Variants in PFN1 observed in about 807,000 individuals in gnomAD.
The protein encoded by PFN1 is profilin-1.
In PFN1, 2 loss-of-function variants were observed where a neutral mutation model predicts 11.7. That is an observed-to-expected ratio of 0.17 (90% CI 0.07 to 0.54). The LOEUF is 0.54. PFN1 is among the 20% of genes least tolerant of loss of function. PFN1 has a pLI of 0.94. For synonymous variants in PFN1, 78 were observed against 76.2 expected (o/e 1.02, Z -0.12); for missense variants, 97 against 188.4 (o/e 0.51, Z 2.84).
Position 4,946,820 on chromosome 17 carries a change from G to A in PFN1, c.133C>T (p.Pro45Ser), listed in dbSNP as rs1458389557. 6.2e-7 allele frequency: 1 copy of A among 1,608,902 alleles called. No homozygotes were observed. Among genetic ancestry groups the A allele is most frequent in the Non-Finnish European group, 8.5e-7 (1 of 1,177,346 alleles). ...VPGKTFVNIT[P>S]AEVGVLVGKD... Reference sequence around the variant, plus strand: ...CCAACCAGGACACCCACCTCAGCTGGCTGGAAGAGGAACCAAGCGCCCATC... The same window carrying A: ...CCAACCAGGACACCCACCTCAGCTGACTGGAAGAGGAACCAAGCGCCCATC... The change falls in exon 2 of 3, where the codon CCA (proline) becomes TCA (serine). Residue 45 changes from proline (P) to serine (S), a missense_variant and splice_region_variant. Coordinates refer to ENST00000225655, the MANE Select transcript of PFN1 (RefSeq NM_005022.4).
At chr17:4,947,787 A>T (rs1971437032) in intron 1 of PFN1, among the ~76,000 whole-genome samples, 1 of 152,036 alleles carries the variant, frequency 6.6e-6, no homozygotes, top group Admixed American at 6.5e-5. Context: ...AAGCCCACAG[A>T]GGGTGGGCAA....
intron 1 of PFN1, chr17:4,947,348 G>A (rs1971421576): frequency 6.6e-6 from 1 of 152,224 alleles, no homozygotes. Flanking sequence ...CAGACCCCTG[G>A]GGGCTTTCCG....
At chr17:4,948,091 A>G in intron 1 of PFN1, 172 bp downstream of exon 1, 1 of 675,768 alleles carries the variant, frequency 1.5e-6, no homozygotes, top group Non-Finnish European at 2.3e-6. Context: ...CATAGGACCT[A>G]CGGGCAACTG....
At chr17:4,947,903 G>T (rs1971441191) in intron 1 of PFN1, among the ~76,000 whole-genome samples, 1 of 152,176 alleles carries the variant, frequency 6.6e-6, no homozygotes, top group South Asian at 2.1e-4. Flanking sequence ...AAGGATCCCC[G>T]GGTCCCCTCT....
chr17:4,946,851 A>AG, intron 1 of PFN1, 31 bp from the exon 2 acceptor site: 1 of 1,586,952 alleles, frequency 6.3e-7, no homozygotes, highest in South Asian at 1.1e-5. Context: ...CCATCAAGTT[A>AG]GTCAGTGCAC....
Position 4,948,429 on chromosome 17 carries a change from C to T in PFN1, c.-35G>A. Reference sequence around the variant, plus strand: ...ACTGGGGCTGCTCTCGGCGCTGCTGCTGGGGCCGCGGACTGGGCTCGAGCT... The same window carrying T: ...ACTGGGGCTGCTCTCGGCGCTGCTGTTGGGGCCGCGGACTGGGCTCGAGCT... On this transcript the variant is annotated 5_prime_UTR_variant, in exon 1 of 3. Transcript: ENST00000225655. 3 of 1,566,526 alleles carry T rather than the reference C, an allele frequency of 1.9e-6. No homozygotes were observed. The highest frequency in any genetic ancestry group is 1.7e-6 in the Non-Finnish European group (2 of 1,161,290).
chr17:4,946,808 C>A lies in PFN1; in HGVS notation c.145G>T (p.Gly49Cys). Reference protein sequence around the residue: ...TFVNITPAEVGVLVGKDRSSF... With the variant: ...TFVNITPAEVCVLVGKDRSSF... ...GACCGGTCTTTGCCAACCAGGACACCCACCTCAGCTGGCTGGAAGAGGAAC... is the reference window on the plus strand; with the variant it reads ...GACCGGTCTTTGCCAACCAGGACACACACCTCAGCTGGCTGGAAGAGGAAC... The change falls in exon 2 of 3, where the codon GGT (glycine) becomes TGT (cysteine). Residue 49 changes from glycine to cysteine, a missense_variant. By Grantham distance (159) the Gly-to-Cys change is radical (BLOSUM62 -3). Transcript: ENST00000225655. 4.3e-6 allele frequency: 7 copies of A among 1,612,744 alleles called. No homozygotes were observed. The highest frequency in any genetic ancestry group is 5.9e-6 in the Non-Finnish European group (7 of 1,179,308).
chr17:4,948,460 G>A lies in PFN1; in HGVS notation c.-66C>T, dbSNP rs1439979945. On this transcript the variant is annotated 5_prime_UTR_variant, in exon 1 of 3. Transcript: ENST00000225655. ...CCGCGGACTGGGCTCGAGCTGCCTC[G>A]GCTGGCGGGCGGGGGGAGGCGGAGA... 1.1e-5 allele frequency: 17 copies of A among 1,483,836 alleles called. No homozygotes were observed. In the Admixed American group the frequency reaches 3.3e-4, roughly 29 times the overall value. The allele number at this position is 1,483,836 out of a possible 1,614,324, so 91.9% of individuals were successfully genotyped here.
chr17:4,946,130 C>T (rs1971385537), intron 2 of PFN1, 133 bp from the exon 3 acceptor site: 1 of 641,104 alleles, frequency 1.6e-6, no homozygotes, highest in Non-Finnish European at 2.9e-6. Flanking sequence ...CCCCCCACCA[C>T]ACACAGGCAG....
rs1285356690 is a variant in PFN1 at position 4,948,513 on chromosome 17, C to A, written c.-119G>T. On this transcript the variant is annotated 5_prime_UTR_variant, in exon 1 of 3. Transcript: ENST00000225655. Reference sequence around the variant, plus strand: ...TCGGGGCACGCGCTGCCGTCCGGACCGCGGCTCCGCTCGCTGTGCAGCAGC... The same window carrying A: ...TCGGGGCACGCGCTGCCGTCCGGACAGCGGCTCCGCTCGCTGTGCAGCAGC... The A allele has an allele frequency of 1.7e-6, 2 of 1,156,378 alleles. No individual in the cohort carries two copies. The highest frequency in any genetic ancestry group is 1.8e-5 in the South Asian group (1 of 56,306). 71.6% of individuals were successfully genotyped at this position (1,156,378 alleles called of 1,614,324 possible). A position where few individuals can be genotyped will look rare whatever the true frequency, so the allele number is the denominator to read the frequency against.
chr17:4,945,754 T>C lies in PFN1; in HGVS notation c.*146A>G. 5.0e-6 allele frequency: 3 copies of C among 605,484 alleles called. No homozygotes were observed. Among genetic ancestry groups the C allele is most frequent in the Non-Finnish European group, 6.1e-6 (2 of 326,242 alleles). The allele number at this position is 605,484 out of a possible 1,614,324, so 37.5% of individuals were successfully genotyped here. On this transcript the variant is annotated 3_prime_UTR_variant, in exon 3 of 3. Transcript: ENST00000225655. ...ATGGGTAGGGGGAGGTGTCTGTCCATCCAGCCCTGGCCCCCAGCCCATGTG... is the reference window on the plus strand; with the variant it reads ...ATGGGTAGGGGGAGGTGTCTGTCCACCCAGCCCTGGCCCCCAGCCCATGTG...
intron 1 of PFN1, 145 bp downstream of exon 1, chr17:4,948,118 G>T: frequency 1.1e-6 from 1 of 935,376 alleles, no homozygotes. Flanking sequence ...CCACTCACGT[G>T]CAGCCGCCAT....
chr17:4,946,516 G>T, intron 2 of PFN1, 112 bp downstream of exon 2: 1 of 787,212 alleles, frequency 1.3e-6, no homozygotes, highest in South Asian at 1.7e-5. Context: ...CACAATACTG[G>T]TCTGACTCCC....
intron 2 of PFN1, 24 bp downstream of exon 2, chr17:4,946,604 G>T: frequency 6.4e-7 from 1 of 1,565,740 alleles, no homozygotes; most frequent in Non-Finnish European, 8.7e-7. Flanking sequence ...GGAGCTAAAG[G>T]AAGGGTAAGA....
At chr17:4,948,187 C>A in intron 1 of PFN1, 76 bp downstream of exon 1, 1 of 1,483,982 alleles carries the variant, frequency 6.7e-7, no homozygotes, top group Non-Finnish European at 9.0e-7. Flanking sequence ...CCCTAGACCG[C>A]GCCCGCCCCC....
chr17:4,948,520 C>T lies in PFN1; in HGVS notation c.-126G>A, dbSNP rs1287919414. On this transcript the variant is annotated 5_prime_UTR_variant, in exon 1 of 3. Transcript: ENST00000225655. The stretch of plus-strand genomic sequence containing the variant: ...ACGCGCTGCCGTCCGGACCGCGGCT[C>T]CGCTCGCTGTGCAGCAGCCCTCGCA... 9.1e-7 allele frequency: 1 copy of T among 1,100,176 alleles called. No individual in the cohort carries two copies. The highest frequency in any genetic ancestry group is 1.2e-6 in the Non-Finnish European group (1 of 820,374). The allele number at this position is 1,100,176 out of a possible 1,614,324, so 68.2% of individuals were successfully genotyped here.
At position 4,948,449 on chromosome 17, in the gene PFN1, C is replaced by T. The variant is rs763937089; in HGVS notation, c.-55G>A. ...TGCTGCTGGGGCCGCGGACTGGGCT[C>T]GAGCTGCCTCGGCTGGCGGGCGGGG... On this transcript the variant is annotated 5_prime_UTR_variant, in exon 1 of 3. Coordinates refer to ENST00000225655, the MANE Select transcript of PFN1 (RefSeq NM_005022.4). 9.2e-6 allele frequency: 14 copies of T among 1,518,708 alleles called. No homozygotes were observed. In the South Asian group the frequency reaches 1.7e-4, roughly 19 times the overall value. 94.1% of individuals were successfully genotyped at this position (1,518,708 alleles called of 1,614,324 possible). A position where few individuals can be genotyped will look rare whatever the true frequency, so the allele number is the denominator to read the frequency against.
Position 4,948,293 on chromosome 17 carries a change from G to A in PFN1, c.102C>T (p.Ala34=). The change falls in exon 1 of 3, where the codon GCC becomes GCT. Residue 34 remains alanine (A), a synonymous_variant. Coordinates refer to ENST00000225655, the MANE Select transcript of PFN1 (RefSeq NM_005022.4). Reference sequence around the variant, plus strand: ...TGTTGACGAACGTTTTCCCGGGGACGGCGGCCCAGACGGAGGGCGAGTCCT... The same window carrying A: ...TGTTGACGAACGTTTTCCCGGGGACAGCGGCCCAGACGGAGGGCGAGTCCT... ...GYKDSPSVWA[A]VPGKTFVNIT... 1.2e-6 allele frequency: 2 copies of A among 1,609,474 alleles called. No homozygotes were observed. Among genetic ancestry groups the A allele is most frequent in the Non-Finnish European group, 1.7e-6 (2 of 1,178,586 alleles).
Position 4,948,347 on chromosome 17 carries a change from G to C in PFN1, c.48C>G (p.Thr16=), listed in dbSNP as rs759484888. 4 of 1,610,882 alleles carry C rather than the reference G, an allele frequency of 2.5e-6. No individual in the cohort carries two copies. The highest frequency in any genetic ancestry group is 3.4e-6 in the Non-Finnish European group (4 of 1,179,144). ...AYIDNLMADG[T]CQDAAIVGYK... ...AGCCCACGATGGCCGCGTCCTGACA[G>C]GTCCCGTCCGCCATGAGGTTGTCGA... The change falls in exon 1 of 3, where the codon ACC becomes ACG. Residue 16 remains threonine, a synonymous_variant. Transcript: ENST00000225655.
Sources: allele counts gnomAD v4.1 joint callset (sites outside exome capture counted in the v4.1 genomes callset), GRCh38; gene constraint gnomAD v4.1.1; transcripts MANE v1.5; gene names NCBI Gene and HGNC (gene_info 2026-07-23, HGNC 2026-07-21).